CACNA1G: variants seen among roughly 807,000 people sequenced by gnomAD.
CACNA1G encodes voltage-dependent T-type calcium channel subunit alpha-1G.
CACNA1G carries 67 observed loss-of-function variants against 219.4 expected under a neutral mutation model. That is an observed-to-expected ratio of 0.31 (90% CI 0.25 to 0.37). The LOEUF (loss-of-function observed/expected upper bound fraction) is 0.37, where lower values mean the gene tolerates loss of function less well. CACNA1G is among the 10% of genes least tolerant of loss of function. CACNA1G has a pLI of 1.00. For synonymous variants in CACNA1G, 1,296 were observed against 1,345.3 expected, an observed-to-expected ratio of 0.96 and a Z score of 0.80; for missense variants, 2,380 against 3,231.4, an observed-to-expected ratio of 0.74 and a Z score of 6.39.
At position 50,561,401 on chromosome 17, in the gene CACNA1G, C is replaced by T; in HGVS notation, c.-59C>T. ...GCCCCCGGGTTGCGTGAGGACACCT[C>T]CTCTGAGGGGCGCCGCTTGCCCCTC... On this transcript the variant is annotated 5_prime_UTR_variant, in exon 1 of 38. Transcript: ENST00000359106. 6.5e-7 allele frequency: 1 copy of T among 1,532,532 alleles called. No homozygotes were observed. The highest frequency in any genetic ancestry group is 8.7e-7 in the Non-Finnish European group (1 of 1,146,058). The allele number at this position is 1,532,532 out of a possible 1,614,324, so 94.9% of individuals were successfully genotyped here. A position where few individuals can be genotyped will look rare whatever the true frequency, so the allele number is the denominator to read the frequency against.
At chr17:50,568,750 C>A in intron 1 of CACNA1G, 120 bp from the exon 2 acceptor site, 2 of 767,436 alleles carry the variant, frequency 2.6e-6, no homozygotes, top group Non-Finnish European at 4.5e-6. Flanking sequence ...AGGGCCCTGG[C>A]ACCACACCTG....
chr17:50,601,982 G>C lies in CACNA1G; in HGVS notation c.3915+808G>C, dbSNP rs1240718435. Among the ~76,000 whole-genome samples, 6 of 152,282 alleles carry C rather than the reference G, an allele frequency of 3.9e-5. No individual in the cohort carries two copies. In the East Asian group the frequency reaches 5.8e-4, roughly 15 times the overall value. ...CGGGGTGGAGGGAGCCTGAGGAATG[G>C]CGGGAGCAGCCCAAGACTAGGCGGG... On this transcript the variant is annotated intron_variant, in intron 19 of 37. Transcript: ENST00000359106.
chr17:50,582,252 G>C (rs1289186543), intron 9 of CACNA1G, among the ~76,000 whole-genome samples: 1 of 152,212 alleles, frequency 6.6e-6, no homozygotes, highest in Non-Finnish European at 1.5e-5. Flanking sequence ...TCTGGGCTGA[G>C]TCTGAAGGAA....
intron 9 of CACNA1G, among the ~76,000 whole-genome samples, chr17:50,588,232 T>C (rs1183250982): frequency 2.0e-5 from 3 of 152,174 alleles, no homozygotes; most frequent in Non-Finnish European, 4.4e-5. Flanking sequence ...GTCCACCGTG[T>C]ATCTGGATTC....
At chr17:50,610,040 T>G in intron 26 of CACNA1G, 105 bp downstream of exon 26, 1 of 1,183,992 alleles carries the variant, frequency 8.4e-7, no homozygotes, top group Admixed American at 2.1e-5. Context: ...TGAGGGTCCC[T>G]GGGGCCCCCA....
chr17:50,595,777 C>G (rs1389975730), intron 14 of CACNA1G, among the ~76,000 whole-genome samples: 1 of 152,236 alleles, frequency 6.6e-6, no homozygotes, highest in Non-Finnish European at 1.5e-5. Flanking sequence ...GAGCAGCCCC[C>G]TGGAGATCCC....
intron 22 of CACNA1G, among the ~76,000 whole-genome samples, chr17:50,604,943 C>G (rs2047629610): frequency 6.6e-6 from 1 of 152,160 alleles, no homozygotes; most frequent in Non-Finnish European, 1.5e-5. Flanking sequence ...GCTACACCCT[C>G]CCCTCCCCGC....
Position 50,618,893 on chromosome 17 carries a change from C to G in CACNA1G, c.5666C>G (p.Pro1889Arg), listed in dbSNP as rs1655921338. 1 of 1,611,440 alleles carries G rather than the reference C, an allele frequency of 6.2e-7. No homozygotes were observed. Among genetic ancestry groups the G allele is most frequent in the Non-Finnish European group, 8.5e-7 (1 of 1,178,926 alleles). Residue 1889 changes from proline (P) to arginine (R), a missense_variant, in exon 33 of 38, where the codon CCC (proline) becomes CGC (arginine). Physicochemically the swap from Pro to Arg is moderately radical, Grantham distance 103 (BLOSUM62 -2). Coordinates refer to ENST00000359106, the MANE Select transcript of CACNA1G (RefSeq NM_018896.5). This position sits in a 1 kb window ranked among gnomAD's most constrained non-coding sequence, Gnocchi z 5.3. ...SPQPHSPLGS[P>R]FLWPGVEGPD... is the part of the protein sequence containing the mutation. ...CAGCCCCACTCGCCACTGGGCAGCC[C>G]CTTCCTCTGGCCTGGGGTCGAGGGC... is the stretch of plus-strand genomic sequence containing the variant.
At position 50,591,461 on chromosome 17, in the gene CACNA1G, G is replaced by C; in HGVS notation, c.2480G>C (p.Gly827Ala). The C allele has an allele frequency of 6.3e-7, 1 of 1,591,144 alleles. No individual in the cohort carries two copies. The highest frequency in any genetic ancestry group is 8.5e-7 in the Non-Finnish European group (1 of 1,169,718). ...ISVWEIVGQQ[G>A]GGLSVLRTFR... is the part of the protein sequence containing the mutation. The stretch of plus-strand genomic sequence containing the variant: ...GTGTGGGAGATCGTGGGCCAGCAGG[G>C]GGGCGGCCTGTCGGTGCTGCGGACC... The change falls in exon 11 of 38, where the codon GGG (glycine) becomes GCG (alanine). Residue 827 changes from glycine to alanine, a missense_variant. Physicochemically the swap from Gly to Ala is moderately conservative, Grantham distance 60. This residue lies in a region of CACNA1G where 82 missense variants were observed against 140.7 expected (regional missense o/e 0.58). Coordinates refer to ENST00000359106, the MANE Select transcript of CACNA1G (RefSeq NM_018896.5).
At chr17:50,579,692 C>A (rs1005907116) in intron 9 of CACNA1G, among the ~76,000 whole-genome samples, 1 of 152,158 alleles carries the variant, frequency 6.6e-6, no homozygotes, top group Admixed American at 6.5e-5. Flanking sequence ...ACCCAACCTT[C>A]CCTGGTTTGG....
At position 50,603,791 on chromosome 17, in the gene CACNA1G, CTT is replaced by C. The variant is rs2047335477; in HGVS notation, c.4170-363_4170-362del. ...TGTGATAGTCCATCTCCCTCTGCCC[CTT>C]CCCCTCTCTGCCTGCTCCCCTACAA... On this transcript the variant is annotated intron_variant, in intron 21 of 37. Transcript: ENST00000359106. This position sits in a 1 kb window ranked among gnomAD's most constrained non-coding sequence, Gnocchi z 6.4. Among the ~76,000 whole-genome samples, 1 of 152,076 alleles carries C rather than the reference CTT, an allele frequency of 6.6e-6. No homozygotes were observed. The highest frequency in any genetic ancestry group is 1.5e-5 in the Non-Finnish European group (1 of 68,010).
intron 9 of CACNA1G, among the ~76,000 whole-genome samples, chr17:50,581,069 G>A (rs144923584): frequency 2.6e-5 from 4 of 151,124 alleles, no homozygotes; most frequent in African/African-American, 7.3e-5. Context: ...TGATGGGGGC[G>A]AGACAGAGGC....
In CACNA1G at chr17:50,627,119, CT is replaced by C. The variant is rs1254725193; in HGVS notation, c.*369del. On this transcript the variant is annotated 3_prime_UTR_variant, in exon 38 of 38. Coordinates refer to ENST00000359106, the MANE Select transcript of CACNA1G (RefSeq NM_018896.5). ...TGTGACTGAAGAGACTTGTTTCCTT[CT>C]ACTTTTATGTGTCTCAGAATATTTT... 7 of 466,282 alleles carry C rather than the reference CT, an allele frequency of 1.5e-5. No individual in the cohort carries two copies. The Admixed American group carries it at 1.6e-4, about 11-fold the overall frequency. 28.9% of individuals were successfully genotyped at this position (466,282 alleles called of 1,614,324 possible).
At chr17:50,613,441 G>A (rs1474627563) in intron 26 of CACNA1G, among the ~76,000 whole-genome samples, 4 of 152,108 alleles carry the variant, frequency 2.6e-5, no homozygotes, top group Non-Finnish European at 5.9e-5. Flanking sequence ...GCCTCTTGGA[G>A]GAGGGTCCCG....
At position 50,591,468 on chromosome 17, in the gene CACNA1G, C is replaced by T. The variant is rs370154247; in HGVS notation, c.2487C>T (p.Gly829=). The T allele has an allele frequency of 1.1e-4, 169 of 1,595,534 alleles. 1 individual carries two copies. Among genetic ancestry groups the T allele is most frequent in the South Asian group, 5.8e-4 (51 of 88,370 alleles). The part of the protein sequence containing the change: ...VWEIVGQQGG[G]LSVLRTFRLM... ...AGATCGTGGGCCAGCAGGGGGGCGG[C>T]CTGTCGGTGCTGCGGACCTTCCGCC... is the stretch of plus-strand genomic sequence containing the variant. The change falls in exon 11 of 38, where the codon GGC becomes GGT. Residue 829 remains glycine, a synonymous_variant. Transcript: ENST00000359106.
chr17:50,586,158 G>T (rs560117437), intron 9 of CACNA1G, among the ~76,000 whole-genome samples: 23 of 152,154 alleles, frequency 1.5e-4, no homozygotes, highest in Non-Finnish European at 3.1e-4. Flanking sequence ...CCTCCAAGCC[G>T]TCCACACGCT....
rs2051061584 is a variant in CACNA1G, at chr17:50,618,589, T to C, written c.5428-66T>C. The C allele has an allele frequency of 7.7e-7, 1 of 1,304,472 alleles. No homozygotes were observed. The highest frequency in any genetic ancestry group is 1.1e-6 in the Non-Finnish European group (1 of 922,646). The allele number at this position is 1,304,472 out of a possible 1,614,324, so 80.8% of individuals were successfully genotyped here. On this transcript the variant is annotated intron_variant, in intron 32 of 37. Coordinates refer to ENST00000359106, the MANE Select transcript of CACNA1G (RefSeq NM_018896.5). This position sits in a 1 kb window ranked among gnomAD's most constrained non-coding sequence, Gnocchi z 5.3. ...CCAATGCTCTGTGACACCAGTGACCTGATTTTCCACAACAGCTCCAACAAC... is the reference window on the plus strand; with the variant it reads ...CCAATGCTCTGTGACACCAGTGACCCGATTTTCCACAACAGCTCCAACAAC...
At chr17:50,572,363 G>A (rs935268130) in intron 5 of CACNA1G, among the ~76,000 whole-genome samples, 191 bp from the exon 6 acceptor site, 3 of 152,076 alleles carry the variant, frequency 2.0e-5, no homozygotes, top group Non-Finnish European at 2.9e-5. Context: ...CCTGAGTCTG[G>A]AGTTTCCCCA....
chr17:50,577,343 T>C (rs958200436), intron 8 of CACNA1G, among the ~76,000 whole-genome samples: 22 of 151,868 alleles, frequency 1.4e-4, no homozygotes, highest in Non-Finnish European at 2.1e-4. Context: ...TCCACATCCA[T>C]GCTTTACCTG....
Sources: allele counts gnomAD v4.1 joint callset (sites outside exome capture counted in the v4.1 genomes callset), GRCh38; gene constraint gnomAD v4.1.1; regional missense constraint gnomAD v4.1.1; non-coding constraint Gnocchi (gnomAD v3.1); transcripts MANE v1.5; gene names NCBI Gene and HGNC (gene_info 2026-07-23, HGNC 2026-07-21).